The following L1TD1 variants were observed in gnomAD, a reference collection of about 807,000 sequenced individuals.
The protein encoded by L1TD1 is LINE1 type transposase domain containing 1, also known as LINE-1 type transposase domain-containing protein 1.
In L1TD1, 26 loss-of-function variants were observed where a neutral mutation model predicts 25.7. The ratio of observed to expected loss-of-function variants is 1.01; its 90% confidence interval spans 0.74 to 1.40. The LOEUF (loss-of-function observed/expected upper bound fraction) is 1.40. Among genes scored for constraint, L1TD1 ranks in the 40% most tolerant of loss-of-function variants. The pLI is 0.00. For synonymous variants in L1TD1, 421 were observed against 335.6 expected, an observed-to-expected ratio of 1.25 and a Z score of -2.78; for missense variants, 1,130 against 975.0, an observed-to-expected ratio of 1.16 and a Z score of -2.12.
rs1557443394 is a variant in L1TD1 at position 62,205,384 on chromosome 1, T to TCTCC, written c.-110-1132_-110-1131insCCTC. On this transcript the variant is annotated intron_variant, in intron 2 of 3. Coordinates refer to ENST00000498273, the MANE Select transcript of L1TD1 (RefSeq NM_019079.5). Reference sequence around the variant, plus strand: ...AACGAAAACTCTCTTTCTCTCTCTCTCTCTTTCTCTCTCTCTCTCTCTCTC... The same window carrying TCTCC: ...AACGAAAACTCTCTTTCTCTCTCTCTCTCCCTCTTTCTCTCTCTCTCTCTCTCTC... 1.1e-3 allele frequency among the ~76,000 whole-genome samples: 59 copies of TCTCC among 54,128 alleles called. 1 individual carries two copies. The highest frequency in any genetic ancestry group is 4.6e-3 in the African/African-American group (57 of 12,486). The allele number at this position is 54,128 out of a possible 152,430, so 35.5% of individuals were successfully genotyped here.
Position 62,209,192 on chromosome 1 carries a change from A to G in L1TD1, c.1009-591A>G, listed in dbSNP as rs527593193. ...TAGTAGCAAATGTGGCAATCGGGCC[A>G]GGGTTTGAATAGTTTTGAACTGAGC... On this transcript the variant is annotated intron_variant, in intron 3 of 3. Coordinates refer to ENST00000498273, the MANE Select transcript of L1TD1 (RefSeq NM_019079.5). Among the ~76,000 whole-genome samples the G allele has an allele frequency of 6.6e-5, 10 of 152,232 alleles. No individual in the cohort carries two copies. The East Asian group carries it at 1.7e-3, about 26-fold the overall frequency.
intron 2 of L1TD1, among the ~76,000 whole-genome samples, chr1:62,198,780 ACCT>A (rs58127767): frequency 0.3 from 45,674 of 151,536 alleles, 7,105 homozygotes; most frequent in South Asian, 0.39. Flanking sequence ...TTTTAAAGTA[ACCT>A]CCTTAAAATA....
intron 3 of L1TD1, among the ~76,000 whole-genome samples, chr1:62,209,501 G>C (rs1297807646): frequency 6.6e-6 from 1 of 152,098 alleles, no homozygotes; most frequent in Non-Finnish European, 1.5e-5. Flanking sequence ...ATACACAGCA[G>C]TAAGTGTTCA....
Position 62,210,932 on chromosome 1 carries a change from A to G in L1TD1, c.2158A>G (p.Ile720Val). Residue 720 changes from isoleucine to valine, a missense_variant, in exon 4 of 4, where the codon ATA (isoleucine) becomes GTA (valine). Physicochemically the swap from Ile to Val is conservative, Grantham distance 29 (BLOSUM62 3). Coordinates refer to ENST00000498273, the MANE Select transcript of L1TD1 (RefSeq NM_019079.5). ...GAGTTATGAGAATAGGGCAGAGGAC[A>G]TAATTAAAGAAATAATTGATGAAAA... ...KESYENRAED[I>V]IKEIIDENFA... 1 of 1,545,878 alleles carries G rather than the reference A, an allele frequency of 6.5e-7. No homozygotes were observed. The highest frequency in any genetic ancestry group is 8.7e-7 in the Non-Finnish European group (1 of 1,145,784).
rs1030997554 is a variant in L1TD1 at position 62,211,454 on chromosome 1, C to A, written c.*82C>A. On this transcript the variant is annotated 3_prime_UTR_variant, in exon 4 of 4. Coordinates refer to ENST00000498273, the MANE Select transcript of L1TD1 (RefSeq NM_019079.5). ...CAACAAGTAAAACGAAAATACACTT[C>A]TACCCAGAAGGATGGACAGCTAATA... 96 of 1,512,566 alleles carry A rather than the reference C, an allele frequency of 6.3e-5. No homozygotes were observed. Among genetic ancestry groups the A allele is most frequent in the Non-Finnish European group, 7.8e-5 (89 of 1,138,132 alleles). The allele number at this position is 1,512,566 out of a possible 1,614,324, so 93.7% of individuals were successfully genotyped here. A position where few individuals can be genotyped will look rare whatever the true frequency, so the allele number is the denominator to read the frequency against.
rs1045135475 is a variant in L1TD1, at chr1:62,207,714, C to T, written c.1008+78C>T. 1.1e-5 allele frequency: 16 copies of T among 1,416,894 alleles called. No homozygotes were observed. The African/African-American group carries it at 2.0e-4, about 18-fold the overall frequency. The allele number at this position is 1,416,894 out of a possible 1,614,324, so 87.8% of individuals were successfully genotyped here. A position where few individuals can be genotyped will look rare whatever the true frequency, so the allele number is the denominator to read the frequency against. Reference sequence around the variant, plus strand: ...GGCATGGTTATTTTGAAGGATAAATCAATTTTTTTTTTCTTGAGATGGAGT... The same window carrying T: ...GGCATGGTTATTTTGAAGGATAAATTAATTTTTTTTTTCTTGAGATGGAGT... On this transcript the variant is annotated intron_variant, in intron 3 of 3. Transcript: ENST00000498273.
At chr1:62,205,409 CTCTCTCTCTATATA>C (rs1469378566) in intron 2 of L1TD1, among the ~76,000 whole-genome samples, 1 of 35,984 alleles carries the variant, frequency 2.8e-5, no homozygotes, top group Non-Finnish European at 5.0e-5. Flanking sequence ...CTCTCTCTCT[CTCTCTCTCTATATA>C]TATATATATA....
intron 2 of L1TD1, among the ~76,000 whole-genome samples, chr1:62,197,781 C>T (rs1670571708): frequency 6.6e-6 from 1 of 152,036 alleles, no homozygotes; most frequent in Non-Finnish European, 1.5e-5. Context: ...GAGGCTGAGG[C>T]AGGAGAATCA....
At position 62,206,769 on chromosome 1, in the gene L1TD1, C is replaced by T. The variant is rs1043523046; in HGVS notation, c.141C>T (p.Asp47=). 48 of 1,558,662 alleles carry T rather than the reference C, an allele frequency of 3.1e-5. No individual in the cohort carries two copies. The highest frequency in any genetic ancestry group is 3.7e-5 in the Non-Finnish European group (42 of 1,150,082). ...CGGTATTAGATTTAAAATGCAAGGA[C>T]GTATCAGCAATTATGAATAAGTTTA... is the stretch of plus-strand genomic sequence containing the variant. The part of the protein sequence containing the change: ...IAPVLDLKCK[D]VSAIMNKFKV... The change falls in exon 3 of 4, where the codon GAC becomes GAT. Residue 47 remains aspartate, a synonymous_variant. Transcript: ENST00000498273.
At chr1:62,201,589 ATCTC>A (rs762568327) in intron 2 of L1TD1, among the ~76,000 whole-genome samples, 3 of 151,866 alleles carry the variant, frequency 2.0e-5, no homozygotes, top group Non-Finnish European at 2.9e-5. Flanking sequence ...CATTTGTTTA[ATCTC>A]TCTTTTTTCT....
rs2149102296 is a variant in L1TD1, at chr1:62,209,827, C to T, written c.1053C>T (p.Thr351=). The change falls in exon 4 of 4, where the codon ACC becomes ACT. Residue 351 remains threonine (T), a synonymous_variant. Transcript: ENST00000498273. ...IDSKHRAGEI[T]SDGLSFLFLK... is the part of the protein sequence containing the mutation. Reference sequence around the variant, plus strand: ...CAAAGCATAGAGCTGGAGAAATAACCAGTGATGGCTTGAGCTTCCTATTTC... The same window carrying T: ...CAAAGCATAGAGCTGGAGAAATAACTAGTGATGGCTTGAGCTTCCTATTTC... 1 of 1,612,126 alleles carries T rather than the reference C, an allele frequency of 6.2e-7. No individual in the cohort carries two copies. Among genetic ancestry groups the T allele is most frequent in the Non-Finnish European group, 8.5e-7 (1 of 1,179,338 alleles).
At chr1:62,204,484 T>C (rs1448263912) in intron 2 of L1TD1, among the ~76,000 whole-genome samples, 1 of 152,230 alleles carries the variant, frequency 6.6e-6, no homozygotes, top group Non-Finnish European at 1.5e-5. Context: ...TATTTAAACA[T>C]TAAACATAGA....
At chr1:62,203,384 C>T (rs562354892) in intron 2 of L1TD1, among the ~76,000 whole-genome samples, 2 of 152,168 alleles carry the variant, frequency 1.3e-5, no homozygotes, top group East Asian at 3.9e-4. Context: ...CTACATCCAC[C>T]CACCTACTAC....
rs1557443411 is a variant in L1TD1 at position 62,205,386 on chromosome 1, TC to T, written c.-110-1132del. ...CGAAAACTCTCTTTCTCTCTCTCTC[TC>T]TTTCTCTCTCTCTCTCTCTCTCTCT... On this transcript the variant is annotated intron_variant, in intron 2 of 3. Coordinates refer to ENST00000498273, the MANE Select transcript of L1TD1 (RefSeq NM_019079.5). Among the ~76,000 whole-genome samples, 381 of 52,658 alleles carry T rather than the reference TC, an allele frequency of 7.2e-3. 9 individuals carry two copies. The highest frequency in any genetic ancestry group is 0.011 in the Non-Finnish European group (293 of 27,382). The allele number at this position is 52,658 out of a possible 152,430, so 34.5% of individuals were successfully genotyped here.
chr1:62,201,845 T>G (rs1330660240), intron 2 of L1TD1, among the ~76,000 whole-genome samples: 3 of 152,220 alleles, frequency 2.0e-5, no homozygotes, highest in Non-Finnish European at 4.4e-5. Flanking sequence ...ACATTGCATC[T>G]AGTGAATTCC....
Position 62,210,630 on chromosome 1 carries a change from G to A in L1TD1, c.1856G>A (p.Ser619Asn), listed in dbSNP as rs769476610. 5 of 1,591,652 alleles carry A rather than the reference G, an allele frequency of 3.1e-6. No individual in the cohort carries two copies. The highest frequency in any genetic ancestry group is 4.3e-6 in the Non-Finnish European group (5 of 1,168,416). The change falls in exon 4 of 4, where the codon AGT becomes AAT. Residue 619 changes from serine to asparagine, a missense_variant. Coordinates refer to ENST00000498273, the MANE Select transcript of L1TD1 (RefSeq NM_019079.5). ...GAGGAAACAGAAGAAAACTTGAGAA[G>A]TAGTGTGATTAATAGCATCAGAGAG... ...LTEETEENLR[S>N]SVINSIREIK... is the part of the protein sequence containing the mutation.
chr1:62,210,907 G>T lies in L1TD1; in HGVS notation c.2133G>T (p.Glu711Asp). ...NIRLIGIPEK[E>D]SYENRAEDII... is the part of the protein sequence containing the mutation. ...GTTTGATAGGAATTCCAGAAAAGGA[G>T]AGTTATGAGAATAGGGCAGAGGACA... is the stretch of plus-strand genomic sequence containing the variant. The change falls in exon 4 of 4, where the codon GAG becomes GAT. Residue 711 changes from glutamate to aspartate, a missense_variant. Coordinates refer to ENST00000498273, the MANE Select transcript of L1TD1 (RefSeq NM_019079.5). 1 of 1,551,384 alleles carries T rather than the reference G, an allele frequency of 6.4e-7. No individual in the cohort carries two copies. Among genetic ancestry groups the T allele is most frequent in the Non-Finnish European group, 8.7e-7 (1 of 1,146,926 alleles).
Position 62,207,049 on chromosome 1 carries a change from G to GAGCT in L1TD1, c.422_425dup (p.Ser143AlafsTer4). ...TTTAACCTTTAAATTAGAAGTAAAT[G>GAGCT]AGCTGAGTGGTAAATTAGACAACAC... On this transcript the variant is annotated frameshift_variant, in exon 3 of 4. Coordinates refer to ENST00000498273, the MANE Select transcript of L1TD1 (RefSeq NM_019079.5). LOFTEE classifies it high-confidence loss of function. 1 of 1,613,912 alleles carries GAGCT rather than the reference G, an allele frequency of 6.2e-7. No individual in the cohort carries two copies. Among genetic ancestry groups the GAGCT allele is most frequent in the Non-Finnish European group, 8.5e-7 (1 of 1,179,970 alleles).
chr1:62,200,164 T>TAA (rs757905395), intron 2 of L1TD1, among the ~76,000 whole-genome samples: 114 of 152,228 alleles, frequency 7.5e-4, no homozygotes, highest in African/African-American at 2.7e-3. Context: ...TATATATATA[T>TAA]AACAATGTAT....
Sources: gnomAD v4.1 joint callset for allele counts (sites outside exome capture counted in the v4.1 genomes callset) on GRCh38, gnomAD v4.1.1 for gene constraint, MANE v1.5 for transcripts, NCBI Gene and HGNC (gene_info 2026-07-23, HGNC 2026-07-21) for gene names.